The following PHIP variants were observed in gnomAD, a reference collection of about 807,000 sequenced individuals.
PHIP encodes the protein PH-interacting protein.
PHIP carries 54 observed loss-of-function variants against 236.8 expected under a neutral mutation model. The observed-to-expected ratio is 0.23, with a 90% confidence interval of 0.18 to 0.29. The LOEUF (loss-of-function observed/expected upper bound fraction) is 0.29. PHIP is among the 10% of genes least tolerant of loss of function. PHIP has a pLI of 1.00. For synonymous variants in PHIP, 756 were observed against 718.9 expected (o/e 1.05, Z -0.83); for missense variants, 1,370 against 2,190.8 (o/e 0.63, Z 7.48).
intron 24 of PHIP, among the ~76,000 whole-genome samples, chr6:78,975,344 C>A (rs903215769): frequency 3.4e-4 from 52 of 152,310 alleles, no homozygotes; most frequent in Middle Eastern, 3.4e-3. Context: ...TAAAAACTCT[C>A]AATAAATTAG....
chr6:79,063,637 G>A (rs1481868249), intron 4 of PHIP, among the ~76,000 whole-genome samples: 3 of 152,058 alleles, frequency 2.0e-5, no homozygotes, highest in Admixed American at 2.0e-4. Flanking sequence ...GGCTGGTCTC[G>A]AACTTCTGAC....
intron 4 of PHIP, among the ~76,000 whole-genome samples, chr6:79,072,801 T>C (rs1337446145): frequency 6.6e-6 from 1 of 152,142 alleles, no homozygotes; most frequent in African/African-American, 2.4e-5. Context: ...ATACTGCAGA[T>C]TCTATGTTCA....
At chr6:78,961,209 CTGAG>C (rs1234369922) in intron 31 of PHIP, among the ~76,000 whole-genome samples, 1 of 151,926 alleles carries the variant, frequency 6.6e-6, no homozygotes, top group Non-Finnish European at 1.5e-5. Flanking sequence ...CTATGAAAAA[CTGAG>C]TATTTTCAAA....
In PHIP at chr6:78,990,929, G is replaced by A; in HGVS notation, c.2258C>T (p.Ser753Leu). 3 of 1,611,494 alleles carry A rather than the reference G, an allele frequency of 1.9e-6. No homozygotes were observed. Among genetic ancestry groups the A allele is most frequent in the Non-Finnish European group, 2.5e-6 (3 of 1,178,248 alleles). Residue 753 changes from serine (S) to leucine (L), a missense_variant, in exon 20 of 40, where the codon TCA (serine) becomes TTA (leucine). By Grantham distance (145) the Ser-to-Leu change is moderately radical. This residue lies in a region of PHIP where 99 missense variants were observed against 110.0 expected (regional missense o/e 0.90). Transcript: ENST00000275034. Reference sequence around the variant, plus strand: ...AGTTAAGTGTTTTCTTTTCTCTTCTGACCTGTAAGTCTTTATTTCTTCTTC... The same window carrying A: ...AGTTAAGTGTTTTCTTTTCTCTTCTAACCTGTAAGTCTTTATTTCTTCTTC... ...KGEEEIKTYR[S>L]EEKRKHLTVP...
intron 6 of PHIP, 100 bp from the exon 7 acceptor site, chr6:79,043,103 T>A: frequency 1.1e-6 from 1 of 944,792 alleles, no homozygotes; most frequent in Non-Finnish European, 1.6e-6. Context: ...CATGTGCAGG[T>A]AAAAATAAAG....
At chr6:78,955,354 C>A in intron 33 of PHIP, 72 bp from the exon 34 acceptor site, 2 of 1,078,530 alleles carry the variant, frequency 1.9e-6, no homozygotes, top group African/African-American at 1.6e-5. Flanking sequence ...GATTAACTAG[C>A]AATTATTTCC....
chr6:79,046,832 T>C (rs1475387153), intron 6 of PHIP, among the ~76,000 whole-genome samples: 1 of 149,716 alleles, frequency 6.7e-6, no homozygotes, highest in South Asian at 2.1e-4. Flanking sequence ...GTTGAGATCA[T>C]GCCACTGCAC....
At chr6:78,996,673 A>G (rs1262373394) in intron 19 of PHIP, among the ~76,000 whole-genome samples, 1 of 152,178 alleles carries the variant, frequency 6.6e-6, no homozygotes, top group Non-Finnish European at 1.5e-5. Flanking sequence ...AAGTATGTCC[A>G]ATCAAAAAGC....
At chr6:78,955,549 A>G (rs1766361314) in intron 33 of PHIP, 64 bp downstream of exon 33, 1 of 630,126 alleles carries the variant, frequency 1.6e-6, no homozygotes, top group Non-Finnish European at 2.8e-6. Context: ...CCTGAAAACT[A>G]CAATATGTAA....
intron 15 of PHIP, among the ~76,000 whole-genome samples, chr6:79,007,843 G>A (rs368301962): frequency 6.6e-6 from 1 of 151,826 alleles, no homozygotes; most frequent in South Asian, 2.1e-4. Flanking sequence ...TAACCCTTAA[G>A]AAGTCCTTCC....
At chr6:79,025,298 G>A (rs940882743) in intron 9 of PHIP, among the ~76,000 whole-genome samples, 11 of 60,672 alleles carry the variant, frequency 1.8e-4, no homozygotes, top group Non-Finnish European at 4.5e-4. Context: ...CTAGGATTAG[G>A]ATAAAGAGAA....
In PHIP at chr6:78,934,642, A is replaced by G. The variant is rs1773195334; in HGVS notation, c.*6051T>C. Among the ~76,000 whole-genome samples the G allele has an allele frequency of 6.6e-6, 1 of 152,228 alleles. No homozygotes were observed. Among genetic ancestry groups the G allele is most frequent in the Non-Finnish European group, 1.5e-5 (1 of 68,030 alleles). On this transcript the variant is annotated 3_prime_UTR_variant, in exon 40 of 40. Transcript: ENST00000275034. ...TATTTAGGGACTAAATATAAAAGCC[A>G]AAGTTGAGCCATGAATACAGAGGAC...
rs192318666 is a variant in PHIP at position 79,006,432 on chromosome 6, T to A, written c.1525-2574A>T. On this transcript the variant is annotated intron_variant, in intron 15 of 39. Coordinates refer to ENST00000275034, the MANE Select transcript of PHIP (RefSeq NM_017934.7). The stretch of plus-strand genomic sequence containing the variant: ...AGTAAGCCAATCAAAAGAAAAGAAT[T>A]TTATCTTTTTAAACAAGGGTCAAAG... 3.1e-3 allele frequency among the ~76,000 whole-genome samples: 466 copies of A among 152,118 alleles called. 2 individuals are homozygous for A. Among genetic ancestry groups the A allele is most frequent in the Middle Eastern group, 6.8e-3 (2 of 294 alleles).
At chr6:78,972,293 T>G (rs1037044713) in intron 24 of PHIP, among the ~76,000 whole-genome samples, 6 of 152,064 alleles carry the variant, frequency 3.9e-5, no homozygotes, top group Non-Finnish European at 5.9e-5. Context: ...TGCAGGGTAC[T>G]CCAACAGACC....
chr6:78,963,381 T>C, intron 29 of PHIP, 129 bp from the exon 30 acceptor site: 1 of 616,446 alleles, frequency 1.6e-6, no homozygotes, highest in Non-Finnish European at 2.6e-6. Flanking sequence ...ATACTCTTTA[T>C]TTTAACAAAG....
chr6:79,078,043 G>A lies in PHIP; in HGVS notation c.26C>T (p.Ser9Leu), dbSNP rs1774281126. The change falls in exon 1 of 40, where the codon TCG becomes TTG. Residue 9 changes from serine to leucine, a missense_variant. By Grantham distance (145) the Ser-to-Leu change is moderately radical. Coordinates refer to ENST00000275034, the MANE Select transcript of PHIP (RefSeq NM_017934.7). MSCERKGL[S>L]ELRSELYFLI... ...CCCCGACTTACCCGATCGCAGCTCC[G>A]AGAGGCCTTTCCTCTCACAAGACAT... 1 of 1,608,986 alleles carries A rather than the reference G, an allele frequency of 6.2e-7. No homozygotes were observed. The highest frequency in any genetic ancestry group is 1.3e-5 in the African/African-American group (1 of 74,656).
intron 29 of PHIP, among the ~76,000 whole-genome samples, chr6:78,964,860 T>A (rs1027571441): frequency 6.6e-6 from 1 of 152,232 alleles, no homozygotes; most frequent in Admixed American, 6.5e-5. Context: ...GTCTTTATAA[T>A]GCTACTCTAT....
chr6:78,976,026 T>C (rs750734137), intron 24 of PHIP, among the ~76,000 whole-genome samples: 1 of 151,886 alleles, frequency 6.6e-6, no homozygotes, highest in African/African-American at 2.4e-5. Flanking sequence ...AAAAACTACT[T>C]TAAAGTTCAT....
At chr6:78,963,486 G>A (rs1582118176) in intron 29 of PHIP, among the ~76,000 whole-genome samples, 1 of 151,996 alleles carries the variant, frequency 6.6e-6, no homozygotes, top group Admixed American at 6.6e-5. Context: ...AATTATACCT[G>A]AAAATCTGCT....
Sources: allele counts gnomAD v4.1 joint callset (sites outside exome capture counted in the v4.1 genomes callset), GRCh38; gene constraint gnomAD v4.1.1; regional missense constraint gnomAD v4.1.1; transcripts MANE v1.5; gene names NCBI Gene and HGNC (gene_info 2026-07-23, HGNC 2026-07-21).